The following ABI2 variants were observed in gnomAD, a reference collection of about 807,000 sequenced individuals.
ABI2 encodes abl interactor 2, also known as abelson interactor 2.
Under a neutral mutation model 59.2 loss-of-function variants are expected in ABI2, and 25 were observed. The observed-to-expected ratio is 0.42, with a 90% CI of 0.31 to 0.59. The LOEUF (loss-of-function observed/expected upper bound fraction) is 0.59. Ranked by LOEUF, ABI2 falls within the 20% of genes least tolerant of loss-of-function variation. The pLI is 0.14. For missense variants in ABI2, 545 were observed against 681.8 expected, an observed-to-expected ratio of 0.80 and a Z score of 2.23; for synonymous variants, 213 against 235.5, an observed-to-expected ratio of 0.90 and a Z score of 0.87.
intron 2 of ABI2, among the ~76,000 whole-genome samples, chr2:203,372,487 A>G (rs1229442475): frequency 6.6e-6 from 1 of 151,780 alleles, no homozygotes; most frequent in Admixed American, 6.6e-5. Context: ...GGGGCTCCTC[A>G]CATCCCAGTA....
chr2:203,337,614 A>G (rs895968011), intron 1 of ABI2, among the ~76,000 whole-genome samples: 8 of 152,218 alleles, frequency 5.3e-5, no homozygotes, highest in African/African-American at 1.9e-4. Flanking sequence ...TTCCAATGGT[A>G]TTTTTCACAA....
Position 203,395,647 on chromosome 2 carries a change from T to C in ABI2, c.726-9T>C, listed in dbSNP as rs764524896. 7 of 1,605,146 alleles carry C rather than the reference T, an allele frequency of 4.4e-6. No individual in the cohort carries two copies. In the South Asian group the frequency reaches 6.7e-5, roughly 15 times the overall value. ...AATACTCATGTTTTGGTGGCTCTTA[T>C]TTCTTTAGCAGCAGTGGGAGTAGTG... On this transcript the variant is annotated splice_polypyrimidine_tract_variant and intron_variant, in intron 6 of 11. Transcript: ENST00000261018.
chr2:203,403,900 C>G (rs923644036), intron 9 of ABI2, among the ~76,000 whole-genome samples: 2 of 151,516 alleles, frequency 1.3e-5, no homozygotes, highest in Non-Finnish European at 2.9e-5. Context: ...TACAGGCACC[C>G]ACGACCACAC....
Position 203,328,472 on chromosome 2 carries a change from C to G in ABI2, c.-43C>G, listed in dbSNP as rs934894603. The stretch of plus-strand genomic sequence containing the variant: ...TTCCTTGGCGCTGCGGCCGCCGCTC[C>G]CTCTGCGACCTGTATGAGGAGGAGG... On this transcript the variant is annotated 5_prime_UTR_variant, in exon 1 of 12. Transcript: ENST00000261018. 2.0e-6 allele frequency: 3 copies of G among 1,494,698 alleles called. No homozygotes were observed. Among genetic ancestry groups the G allele is most frequent in the Admixed American group, 3.9e-5 (2 of 51,420 alleles). 92.6% of individuals were successfully genotyped at this position (1,494,698 alleles called of 1,614,324 possible). A position where few individuals can be genotyped will look rare whatever the true frequency, so the allele number is the denominator to read the frequency against.
chr2:203,421,845 T>G, intron 11 of ABI2, among the ~76,000 whole-genome samples: 1 of 151,448 alleles, frequency 6.6e-6, no homozygotes, highest in East Asian at 1.9e-4. Context: ...ACGCCTGTAG[T>G]CCCAGCAACT....
At chr2:203,422,435 G>A (rs922500396) in intron 11 of ABI2, among the ~76,000 whole-genome samples, 1 of 152,174 alleles carries the variant, frequency 6.6e-6, no homozygotes, top group Non-Finnish European at 1.5e-5. Flanking sequence ...ATGGAGAGAA[G>A]TCGAGTGTTG....
Position 203,372,255 on chromosome 2 carries a change from C to T in ABI2, c.285+5211C>T, listed in dbSNP as rs924137652. 5.3e-5 allele frequency among the ~76,000 whole-genome samples: 8 copies of T among 152,208 alleles called. No individual in the cohort carries two copies. The East Asian group carries it at 7.7e-4, about 15-fold the overall frequency. ...AGCACAGGGTTGGGGCTAAGGTCACCGATCAACAGGATCCCAAGGCAGAAG... is the reference window on the plus strand; with the variant it reads ...AGCACAGGGTTGGGGCTAAGGTCACTGATCAACAGGATCCCAAGGCAGAAG... On this transcript the variant is annotated intron_variant, in intron 2 of 11. Coordinates refer to ENST00000261018, the MANE Select transcript of ABI2 (RefSeq NM_001375670.1).
In ABI2 at chr2:203,406,977, C is replaced by T. The variant is rs369515755; in HGVS notation, c.1192+4243C>T. On this transcript the variant is annotated intron_variant, in intron 9 of 11. Transcript: ENST00000261018. ...CACGGCAAACCTTTAACAAGGTGGT[C>T]GAAATTAATTCAGATACCACATCCT... Among the ~76,000 whole-genome samples, 13 of 152,212 alleles carry T rather than the reference C, an allele frequency of 8.5e-5. No homozygotes were observed. The South Asian group carries it at 2.5e-3, about 29-fold the overall frequency.
intron 11 of ABI2, among the ~76,000 whole-genome samples, chr2:203,420,635 C>T (rs920044093): frequency 6.6e-5 from 10 of 151,962 alleles, no homozygotes; most frequent in Admixed American, 1.3e-4. Flanking sequence ...CCTTGTGATC[C>T]GCCCACCTCG....
At chr2:203,373,442 G>C (rs913791833) in intron 2 of ABI2, among the ~76,000 whole-genome samples, 1 of 152,104 alleles carries the variant, frequency 6.6e-6, no homozygotes, top group Non-Finnish European at 1.5e-5. Context: ...CGGCATCAGA[G>C]GGAGACCGTG....
At chr2:203,423,945 T>C (rs182124073) in intron 11 of ABI2, among the ~76,000 whole-genome samples, 109 of 152,358 alleles carry the variant, frequency 7.2e-4, no homozygotes, top group Non-Finnish European at 1.9e-4. Context: ...ATTTTTACTT[T>C]AGCAGAAACA....
At chr2:203,361,608 A>G (rs12466364) in intron 1 of ABI2, among the ~76,000 whole-genome samples, 32,541 of 152,100 alleles carry the variant, frequency 0.21, 3,848 homozygotes, top group Non-Finnish European at 0.26. Flanking sequence ...ACAGAATGAA[A>G]ACTAAAAAAA....
At chr2:203,353,572 C>T (rs763389915) in intron 1 of ABI2, among the ~76,000 whole-genome samples, 9 of 152,138 alleles carry the variant, frequency 5.9e-5, no homozygotes, top group African/African-American at 9.7e-5. Flanking sequence ...CTCTGCCTCC[C>T]GGGCTCAAGT....
intron 11 of ABI2, among the ~76,000 whole-genome samples, chr2:203,419,619 T>C (rs1167643717): frequency 2.7e-5 from 4 of 149,886 alleles, no homozygotes; most frequent in African/African-American, 4.9e-5. Flanking sequence ...CCTCGTGATC[T>C]GCCCACCTCT....
chr2:203,421,050 C>A (rs1329822765), intron 11 of ABI2, among the ~76,000 whole-genome samples: 1 of 151,044 alleles, frequency 6.6e-6, no homozygotes, highest in African/African-American at 2.4e-5. Flanking sequence ...AATGACAATG[C>A]GAAGGTGTTG....
At chr2:203,393,292 T>C in intron 5 of ABI2, among the ~76,000 whole-genome samples, 1 of 152,354 alleles carries the variant, frequency 6.6e-6, no homozygotes, top group East Asian at 1.9e-4. Context: ...TGAGCTCAAG[T>C]GCTCTGCCTG....
At chr2:203,368,208 C>T (rs759801159) in intron 2 of ABI2, among the ~76,000 whole-genome samples, 17 of 151,826 alleles carry the variant, frequency 1.1e-4, no homozygotes, top group Non-Finnish European at 1.6e-4. Flanking sequence ...ATTTTGGGGC[C>T]ATTTAAAATA....
intron 1 of ABI2, among the ~76,000 whole-genome samples, chr2:203,350,123 C>CG (rs1212231645): frequency 5.3e-5 from 8 of 152,128 alleles, no homozygotes; most frequent in Non-Finnish European, 1.2e-4. Context: ...GTCACCTAGG[C>CG]GGGAGTGCAG....
chr2:203,350,881 TGTGTGTGTGTGC>T (rs1309681416), intron 1 of ABI2, among the ~76,000 whole-genome samples: 36 of 114,370 alleles, frequency 3.1e-4, no homozygotes, highest in Admixed American at 8.3e-4. Flanking sequence ...TGTGTGTGTG[TGTGTGTGTGTGC>T]GCGCGCGCAT....
Sources: allele counts gnomAD v4.1 joint callset (sites outside exome capture counted in the v4.1 genomes callset), GRCh38; gene constraint gnomAD v4.1.1; transcripts MANE v1.5; gene names NCBI Gene and HGNC (gene_info 2026-07-23, HGNC 2026-07-21).